Variants in QSOX1 observed in about 807,000 individuals in gnomAD.
QSOX1 encodes quiescin sulfhydryl oxidase 1.
In QSOX1, 40 loss-of-function variants were observed where a neutral mutation model predicts 76.1. The observed-to-expected ratio is 0.53, with a 90% CI of 0.41 to 0.68. The LOEUF is 0.68. Among genes scored for constraint, QSOX1 ranks in the 30% least tolerant of loss-of-function variants. The pLI is 0.00. For missense variants in QSOX1, 931 were observed against 974.3 expected, an observed-to-expected ratio of 0.96 and a Z score of 0.59; for synonymous variants, 392 against 413.1, an observed-to-expected ratio of 0.95 and a Z score of 0.62.
chr1:180,196,395 C>T lies in QSOX1; in HGVS notation c.1602C>T (p.His534=). The T allele has an allele frequency of 1.2e-6, 2 of 1,614,242 alleles. No homozygotes were observed. Among genetic ancestry groups the T allele is most frequent in the Non-Finnish European group, 1.7e-6 (2 of 1,180,048 alleles). ...VEATLNFLKA[H]FSPSNIILDF... ...CCACCCTCAACTTCCTCAAGGCCCA[C>T]TTCTCCCCAAGCAACATCATCCTGG... Residue 534 remains histidine, a synonymous_variant, in exon 12 of 12, where the codon CAC becomes CAT. Transcript: ENST00000367602. This position sits in a 1 kb window ranked among gnomAD's most constrained non-coding sequence, Gnocchi z 4.1.
intron 4 of QSOX1, among the ~76,000 whole-genome samples, chr1:180,177,250 C>CTTT (rs34390948): frequency 2.7e-5 from 3 of 112,900 alleles, no homozygotes; most frequent in African/African-American, 9.9e-5. Flanking sequence ...CAAAGTGATC[C>CTTT]TTTTTTTTTT....
chr1:180,171,332 T>G (rs907898786), intron 2 of QSOX1, among the ~76,000 whole-genome samples: 4 of 150,646 alleles, frequency 2.7e-5, no homozygotes, highest in Non-Finnish European at 4.4e-5. Context: ...GGATGACGGG[T>G]TTTTGAAGAG....
At chr1:180,160,643 G>GTAAT (rs1662472517) in intron 1 of QSOX1, among the ~76,000 whole-genome samples, 5 of 152,164 alleles carry the variant, frequency 3.3e-5, no homozygotes, top group Admixed American at 2.6e-4. Flanking sequence ...AAAGGTAGAT[G>GTAAT]TAATCAAGGA....
chr1:180,184,002 C>T lies in QSOX1; in HGVS notation c.839C>T (p.Pro280Leu). ...TREAAQTTVA[P>L]TTANKIAPTV... Reference sequence around the variant, plus strand: ...GAGGCTGCCCAGACCACAGTTGCACCAACCACTGCTAACAAGATAGCTCCC... The same window carrying T: ...GAGGCTGCCCAGACCACAGTTGCACTAACCACTGCTAACAAGATAGCTCCC... The change falls in exon 7 of 12, where the codon CCA becomes CTA. Residue 280 changes from proline (P) to leucine (L), a missense_variant. By Grantham distance (98) the Pro-to-Leu change is moderately conservative (BLOSUM62 -3). Coordinates refer to ENST00000367602, the MANE Select transcript of QSOX1 (RefSeq NM_002826.5). The T allele has an allele frequency of 1.2e-6, 2 of 1,614,206 alleles. No individual in the cohort carries two copies. Among genetic ancestry groups the T allele is most frequent in the South Asian group, 2.2e-5 (2 of 91,082 alleles).
rs182742983 is a variant in QSOX1 at position 180,188,199 on chromosome 1, C to T, written c.1018-1353C>T. On this transcript the variant is annotated intron_variant, in intron 8 of 11. Transcript: ENST00000367602. Reference sequence around the variant, plus strand: ...ACCAAGTGCATGGTGCTCACAGGCCCGAACCCCTAAGGGTGCCAGTGGACA... The same window carrying T: ...ACCAAGTGCATGGTGCTCACAGGCCTGAACCCCTAAGGGTGCCAGTGGACA... Among the ~76,000 whole-genome samples, 16 of 152,266 alleles carry T rather than the reference C, an allele frequency of 1.1e-4. No individual in the cohort carries two copies. In the East Asian group the frequency reaches 2.3e-3, roughly 22 times the overall value.
chr1:180,184,094 A>G, intron 7 of QSOX1, 44 bp downstream of exon 7: 1 of 1,603,166 alleles, frequency 6.2e-7, no homozygotes, highest in Non-Finnish European at 8.5e-7. Context: ...CCTTCCTCTG[A>G]TCACAGACCA....
intron 1 of QSOX1, among the ~76,000 whole-genome samples, chr1:180,165,288 T>C (rs1662587927): frequency 6.6e-6 from 1 of 152,220 alleles, no homozygotes; most frequent in South Asian, 2.1e-4. Context: ...CAAATGGGAA[T>C]TGTGCCTGCC....
Position 180,197,189 on chromosome 1 carries a change from G to A in QSOX1, c.*152G>A. ...CGAGTTGCTCCAGTGAAGCTTCTTGGGGTTGCTAGGACAGAGAGCTCCTTT... is the reference window on the plus strand; with the variant it reads ...CGAGTTGCTCCAGTGAAGCTTCTTGAGGTTGCTAGGACAGAGAGCTCCTTT... On this transcript the variant is annotated 3_prime_UTR_variant, in exon 12 of 12. Transcript: ENST00000367602. The A allele has an allele frequency of 6.5e-7, 1 of 1,538,768 alleles. No homozygotes were observed. Among genetic ancestry groups the A allele is most frequent in the Non-Finnish European group, 8.7e-7 (1 of 1,147,120 alleles).
Position 180,196,052 on chromosome 1 carries a change from G to C in QSOX1, c.1469-210G>C, listed in dbSNP as rs1244922664. ...GAGGGCCGGGGCTGAGGGGTAGGTGGATCTGCCTCCTCCTCCATGCTGCCA... is the reference window on the plus strand; with the variant it reads ...GAGGGCCGGGGCTGAGGGGTAGGTGCATCTGCCTCCTCCTCCATGCTGCCA... On this transcript the variant is annotated intron_variant, in intron 11 of 11. Transcript: ENST00000367602. The surrounding 1 kb of genome is among the most constrained non-coding windows in gnomAD (Gnocchi z 4.1). Among the ~76,000 whole-genome samples, 1 of 152,156 alleles carries C rather than the reference G, an allele frequency of 6.6e-6. No individual in the cohort carries two copies. Among genetic ancestry groups the C allele is most frequent in the African/African-American group, 2.4e-5 (1 of 41,420 alleles).
chr1:180,164,282 TC>T (rs1489377341), intron 1 of QSOX1, among the ~76,000 whole-genome samples: 3 of 152,100 alleles, frequency 2.0e-5, no homozygotes, highest in South Asian at 2.1e-4. Flanking sequence ...TCAAGAAGGC[TC>T]CCCAAAAAGT....
intron 2 of QSOX1, among the ~76,000 whole-genome samples, chr1:180,174,812 T>C (rs1202185027): frequency 6.6e-6 from 1 of 152,050 alleles, no homozygotes; most frequent in Non-Finnish European, 1.5e-5. Flanking sequence ...AGGGAGCCAG[T>C]GTCCAGCTCC....
At chr1:180,184,620 C>A (rs1367000840) in intron 7 of QSOX1, among the ~76,000 whole-genome samples, 1 of 152,196 alleles carries the variant, frequency 6.6e-6, no homozygotes, top group African/African-American at 2.4e-5. Flanking sequence ...CTGCTCTTCT[C>A]TCTGAGGCTC....
At chr1:180,185,877 G>A (rs572151179) in intron 7 of QSOX1, among the ~76,000 whole-genome samples, 176 bp from the exon 8 acceptor site, 2 of 152,314 alleles carry the variant, frequency 1.3e-5, no homozygotes, top group South Asian at 4.1e-4. Context: ...GAGAAATTAG[G>A]TAATTTACCC....
chr1:180,194,337 C>A lies in QSOX1; in HGVS notation c.1413C>A (p.Asn471Lys), dbSNP rs760465139. 2 of 1,604,248 alleles carry A rather than the reference C, an allele frequency of 1.2e-6. No homozygotes were observed. The highest frequency in any genetic ancestry group is 1.7e-6 in the Non-Finnish European group (2 of 1,173,736). ...CCATGCACCGGGTGGGGAGTCCCAA[C>A]GCCGCTGTCCTCTGGCTCTGGTCTA... ...AASMHRVGSP[N>K]AAVLWLWSSH... The change falls in exon 11 of 12, where the codon AAC (asparagine) becomes AAA (lysine). Residue 471 changes from asparagine (N) to lysine (K), a missense_variant. Physicochemically the swap from Asn to Lys is moderately conservative, Grantham distance 94. Transcript: ENST00000367602.
intron 9 of QSOX1, 56 bp downstream of exon 9, chr1:180,189,730 AGG>A: frequency 6.3e-7 from 1 of 1,579,858 alleles, no homozygotes; most frequent in Non-Finnish European, 8.6e-7. Flanking sequence ...TGAGAGTGCA[AGG>A]GGTTAACCCT....
At chr1:180,171,032 C>A (rs1662747622) in intron 2 of QSOX1, among the ~76,000 whole-genome samples, 1 of 152,116 alleles carries the variant, frequency 6.6e-6, no homozygotes, top group African/African-American at 2.4e-5. Context: ...TGAGTTTGGA[C>A]ATTATTCATT....
In QSOX1 at chr1:180,196,801, C is replaced by T. The variant is rs749405195; in HGVS notation, c.2008C>T (p.Arg670Cys). The T allele has an allele frequency of 3.1e-6, 5 of 1,613,240 alleles. No homozygotes were observed. The highest frequency in any genetic ancestry group is 2.2e-5 in the East Asian group (1 of 44,876). ...CCTCTGGGGCCCTTTGGAGGTCAGG[C>T]GCGTGGGCCGCAGCTCCAAGCAGCT... ...NRLWGPLEVR[R>C]VGRSSKQLVD... The change falls in exon 12 of 12, where the codon CGC becomes TGC. Residue 670 changes from arginine to cysteine, a missense_variant. Physicochemically the swap from Arg to Cys is radical, Grantham distance 180 (BLOSUM62 -3). Transcript: ENST00000367602. The surrounding 1 kb of genome is among the most constrained non-coding windows in gnomAD (Gnocchi z 4.1).
At position 180,198,092 on chromosome 1, in the gene QSOX1, T is replaced by C. The variant is rs1268515386; in HGVS notation, c.*1055T>C. ...GACCTAGTGTCCAGTCTGGACAGAATGCACAGAGACCAGCCTCACCTGGAA... is the reference window on the plus strand; with the variant it reads ...GACCTAGTGTCCAGTCTGGACAGAACGCACAGAGACCAGCCTCACCTGGAA... On this transcript the variant is annotated 3_prime_UTR_variant, in exon 12 of 12. Coordinates refer to ENST00000367602, the MANE Select transcript of QSOX1 (RefSeq NM_002826.5). 5 of 443,704 alleles carry C rather than the reference T, an allele frequency of 1.1e-5. No homozygotes were observed. Among genetic ancestry groups the C allele is most frequent in the South Asian group, 4.7e-5 (3 of 63,560 alleles). 27.5% of individuals were successfully genotyped at this position (443,704 alleles called of 1,614,324 possible).
chr1:180,154,884 G>A lies in QSOX1; in HGVS notation c.-24G>A. Reference sequence around the variant, plus strand: ...GACCCGACTCATCCGGTGCTTGCGTGTGGTGGTGAGCGCAGCGCCGAGGAT... The same window carrying A: ...GACCCGACTCATCCGGTGCTTGCGTATGGTGGTGAGCGCAGCGCCGAGGAT... On this transcript the variant is annotated 5_prime_UTR_variant, in exon 1 of 12. The change creates a new upstream start codon in the 5' untranslated region. Transcript: ENST00000367602. 7.2e-7 allele frequency: 1 copy of A among 1,391,502 alleles called. No homozygotes were observed. The allele number at this position is 1,391,502 out of a possible 1,614,324, so 86.2% of individuals were successfully genotyped here.
Sources: gnomAD v4.1 joint callset for allele counts (sites outside exome capture counted in the v4.1 genomes callset) on GRCh38, gnomAD v4.1.1 for gene constraint, Gnocchi (gnomAD v3.1) non-coding constraint, MANE v1.5 for transcripts, NCBI Gene and HGNC (gene_info 2026-07-23, HGNC 2026-07-21) for gene names.